The following EYS variants were observed in gnomAD, a reference collection of about 807,000 sequenced individuals.
EYS encodes the protein EGF-like photoreceptor maintenance factor, also known as protein eyes shut homolog.
In EYS, 250 loss-of-function variants were observed where a neutral mutation model predicts 282.1. The ratio of observed to expected loss-of-function variants is 0.89; its 90% CI spans 0.80 to 0.98. The LOEUF (loss-of-function observed/expected upper bound fraction) is 0.98, where lower values mean the gene tolerates loss of function less well. EYS is among the 50% of genes least tolerant of loss of function. The pLI is 0.00. For missense variants in EYS, 4,016 were observed against 3,709.0 expected, an observed-to-expected ratio of 1.08 and a Z score of -2.15; for synonymous variants, 1,355 against 1,282.9, an observed-to-expected ratio of 1.06 and a Z score of -1.20.
intron 40 of EYS, among the ~76,000 whole-genome samples, chr6:63,772,064 GGAGATGACAATTTT>G (rs1769937946): frequency 6.6e-6 from 1 of 152,044 alleles, no homozygotes. Context: ...AATGGTATTT[GGAGATGACAATTTT>G]GGCACTAGAA....
At chr6:64,643,120 C>A (rs201329999) in intron 22 of EYS, among the ~76,000 whole-genome samples, 22 of 49,300 alleles carry the variant, frequency 4.5e-4, no homozygotes, top group South Asian at 3.6e-3. Flanking sequence ...CATCCCCCCC[C>A]CCAAAAAAAA....
At chr6:64,801,431 A>T (rs954598826) in intron 22 of EYS, among the ~76,000 whole-genome samples, 1 of 152,160 alleles carries the variant, frequency 6.6e-6, no homozygotes, top group African/African-American at 2.4e-5. Context: ...TATACAGATT[A>T]TAAAAGGTGT....
At position 65,495,108 on chromosome 6, in the gene EYS, T is replaced by A. The variant is rs200627635; in HGVS notation, c.303A>T (p.Ile101=). The A allele has an allele frequency of 6.2e-7, 1 of 1,614,214 alleles. No homozygotes were observed. The highest frequency in any genetic ancestry group is 8.5e-7 in the Non-Finnish European group (1 of 1,180,028). Residue 101 remains isoleucine, a synonymous_variant, in exon 4 of 43, where the codon ATA becomes ATT. Transcript: ENST00000503581. ...SSEPSLQFPE[I]NLMNVSETSF... ...ATGTTTCAGAAACATTCATCAAATT[T>A]ATTTCTGGAAATTGAAGAGATGGTT...
intron 40 of EYS, 137 bp from the exon 41 acceptor site, chr6:63,762,770 A>T (rs1236507459): frequency 2.5e-6 from 2 of 815,460 alleles, no homozygotes; most frequent in African/African-American, 1.8e-5. Flanking sequence ...CAAACCCTAA[A>T]TTGTCAAAGG....
At chr6:63,834,688 C>G (rs1162272254) in intron 36 of EYS, among the ~76,000 whole-genome samples, 1 of 151,358 alleles carries the variant, frequency 6.6e-6, no homozygotes, top group Non-Finnish European at 1.5e-5. Context: ...TTGACCCAGC[C>G]ATCCCATTAC....
At chr6:65,127,200 A>T (rs1418315094) in intron 12 of EYS, among the ~76,000 whole-genome samples, 1 of 152,004 alleles carries the variant, frequency 6.6e-6, no homozygotes, top group African/African-American at 2.4e-5. Flanking sequence ...AGTTAGAAGA[A>T]AAATACTAAA....
At chr6:64,763,082 A>G (rs1773213797) in intron 22 of EYS, among the ~76,000 whole-genome samples, 1 of 151,798 alleles carries the variant, frequency 6.6e-6, no homozygotes, top group Non-Finnish European at 1.5e-5. Flanking sequence ...TCTTTAACAA[A>G]CCTTCAGTGC....
At chr6:64,358,060 C>T (rs1771887146) in intron 29 of EYS, among the ~76,000 whole-genome samples, 1 of 151,566 alleles carries the variant, frequency 6.6e-6, no homozygotes, top group African/African-American at 2.4e-5. Context: ...GGATATGTCT[C>T]CTGTTATTGG....
At chr6:64,350,300 T>G (rs2150402699) in intron 29 of EYS, among the ~76,000 whole-genome samples, 1 of 150,842 alleles carries the variant, frequency 6.6e-6, no homozygotes, top group African/African-American at 2.4e-5. Flanking sequence ...GTAAAGACTT[T>G]AAGAATGATA....
intron 5 of EYS, 89 bp downstream of exon 5, chr6:65,490,505 A>C (rs2127266243): frequency 1.3e-6 from 1 of 786,894 alleles, no homozygotes; most frequent in Admixed American, 2.1e-5. Flanking sequence ...TTTTTCAATA[A>C]TAAAGGAAAT....
rs574874861 is a variant in EYS, at chr6:64,834,192, C to T, written c.2993-11370G>A. 5.3e-4 allele frequency among the ~76,000 whole-genome samples: 80 copies of T among 151,786 alleles called. 1 individual carries two copies. The highest frequency in any genetic ancestry group is 1.9e-3 in the South Asian group (9 of 4,830). On this transcript the variant is annotated intron_variant, in intron 19 of 42. Coordinates refer to ENST00000503581, the MANE Select transcript of EYS (RefSeq NM_001142800.2). The stretch of plus-strand genomic sequence containing the variant: ...AGAGTGGAAAATAAATGTTCTTTAT[C>T]GGAACCAAAAAGCGATCTGAAACTT...
chr6:64,412,327 G>C (rs973890446), intron 28 of EYS, among the ~76,000 whole-genome samples: 1 of 152,034 alleles, frequency 6.6e-6, no homozygotes, highest in African/African-American at 2.4e-5. Context: ...GAAAAAATGT[G>C]AATAGCCTAT....
chr6:64,508,265 T>A (rs1777275277), intron 26 of EYS, among the ~76,000 whole-genome samples: 1 of 152,130 alleles, frequency 6.6e-6, no homozygotes, highest in African/African-American at 2.4e-5. Context: ...CTTTCAGTTA[T>A]TCTGTGTTGA....
intron 35 of EYS, among the ~76,000 whole-genome samples, chr6:63,919,659 G>A (rs1175557428): frequency 2.0e-5 from 3 of 152,332 alleles, no homozygotes; most frequent in Admixed American, 6.5e-5. Context: ...TCAGCACTCC[G>A]CATCCTGGGA....
intron 34 of EYS, among the ~76,000 whole-genome samples, chr6:63,985,238 C>CA (rs1277300582): frequency 1.3e-5 from 2 of 151,544 alleles, no homozygotes; most frequent in African/African-American, 4.8e-5. Flanking sequence ...GCCATGTGAA[C>CA]AAAAAGGCGG....
intron 26 of EYS, among the ~76,000 whole-genome samples, chr6:64,486,008 G>T (rs746408038): frequency 3.3e-5 from 5 of 151,406 alleles, no homozygotes; most frequent in African/African-American, 9.7e-5. Flanking sequence ...TGGTTTTAAA[G>T]AAGTAATAGC....
intron 5 of EYS, among the ~76,000 whole-genome samples, chr6:65,443,860 A>G (rs1292606704): frequency 1.3e-5 from 2 of 151,922 alleles, no homozygotes; most frequent in African/African-American, 2.4e-5. Context: ...ATAAGTCTAA[A>G]TTAAATGAAA....
chr6:65,105,281 T>C (rs79424048), intron 12 of EYS, among the ~76,000 whole-genome samples: 5,519 of 151,764 alleles, frequency 0.036, 349 homozygotes, highest in African/African-American at 0.13. Context: ...TCTTCAGTCT[T>C]CTACTGACTA....
At chr6:65,407,621 G>A (rs1482036046) in intron 5 of EYS, among the ~76,000 whole-genome samples, 1 of 151,956 alleles carries the variant, frequency 6.6e-6, no homozygotes, top group East Asian at 1.9e-4. Flanking sequence ...GTCTGAAAAC[G>A]GTATAAACCC....
Sources: gnomAD v4.1 joint callset for allele counts (sites outside exome capture counted in the v4.1 genomes callset) on GRCh38, gnomAD v4.1.1 for gene constraint, MANE v1.5 for transcripts, NCBI Gene and HGNC (gene_info 2026-07-23, HGNC 2026-07-21) for gene names.